The following DTNA variants were observed in gnomAD, a reference collection of about 807,000 sequenced individuals.
DTNA encodes the protein dystrobrevin alpha, also known as dystrophin-related protein 3.
Under a neutral mutation model 100.7 loss-of-function variants are expected in DTNA, and 43 were observed. That is an observed-to-expected ratio of 0.43 (90% CI 0.33 to 0.55). The LOEUF is 0.55. Among genes scored for constraint, DTNA ranks in the 20% least tolerant of loss-of-function variants. The pLI is 0.04. For missense variants in DTNA, 798 were observed against 953.9 expected (o/e 0.84, Z 2.15); for synonymous variants, 349 against 347.9 (o/e 1.00, Z -0.04).
At chr18:34,823,857 G>T (rs2095789245) in intron 9 of DTNA, among the ~76,000 whole-genome samples, 2 of 152,218 alleles carry the variant, frequency 1.3e-5, no homozygotes, top group African/African-American at 2.4e-5. Context: ...AGTGAGTGGG[G>T]TGCAAGCATT....
chr18:34,712,658 CTG>C (rs1555721249), intron 1 of DTNA, among the ~76,000 whole-genome samples: 2 of 152,092 alleles, frequency 1.3e-5, no homozygotes, highest in Non-Finnish European at 2.9e-5. Flanking sequence ...TTGCTTTAAA[CTG>C]TAAATTTTGC....
chr18:34,674,670 T>C (rs1356360315), intron 1 of DTNA, among the ~76,000 whole-genome samples: 1 of 152,232 alleles, frequency 6.6e-6, no homozygotes, highest in Non-Finnish European at 1.5e-5. Flanking sequence ...AGGAACCAGA[T>C]GTGAAAACAT....
chr18:34,509,854 T>C (rs552443082), intron 1 of DTNA, among the ~76,000 whole-genome samples: 2 of 152,192 alleles, frequency 1.3e-5, no homozygotes, highest in East Asian at 3.9e-4. Flanking sequence ...CAGATTGAGC[T>C]TAGATATGAG....
At chr18:34,553,502 T>C (rs2045683155) in intron 1 of DTNA, among the ~76,000 whole-genome samples, 1 of 152,038 alleles carries the variant, frequency 6.6e-6, no homozygotes, top group African/African-American at 2.4e-5. Flanking sequence ...CTAGGGTTTT[T>C]ATGGTTTTAG....
At chr18:34,537,106 C>T (rs940818297) in intron 1 of DTNA, among the ~76,000 whole-genome samples, 10 of 151,912 alleles carry the variant, frequency 6.6e-5, no homozygotes, top group Admixed American at 5.9e-4. Flanking sequence ...ACTAGCTATA[C>T]CTGTCTAAAT....
rs190800708 is a variant in DTNA, at chr18:34,620,305, G to A, written c.-2+126791G>A. On this transcript the variant is annotated intron_variant, in intron 1 of 19. Coordinates refer to the DTNA transcript ENST00000283365. ...AAATGGGGAACCCAAATTGAAGAAC[G>A]TTTTTTAAATGTCAATTTTAAATAA... is the stretch of plus-strand genomic sequence containing the variant. Among the ~76,000 whole-genome samples the A allele has an allele frequency of 5.3e-5, 8 of 152,206 alleles. No individual in the cohort carries two copies. The East Asian group carries it at 5.8e-4, about 11-fold the overall frequency.
chr18:34,545,223 C>T (rs75387113), intron 1 of DTNA, among the ~76,000 whole-genome samples: 17 of 151,970 alleles, frequency 1.1e-4, no homozygotes, highest in Admixed American at 7.9e-4. Context: ...ATGGTAGTGA[C>T]GTGAGATGCC....
At chr18:34,533,424 A>T (rs533288130) in intron 1 of DTNA, among the ~76,000 whole-genome samples, 1 of 151,898 alleles carries the variant, frequency 6.6e-6, no homozygotes, top group African/African-American at 2.4e-5. Context: ...TGCCAAGTTT[A>T]ATGGCCCCAG....
chr18:34,557,246 G>C (rs1283535985), intron 1 of DTNA, among the ~76,000 whole-genome samples: 2 of 141,424 alleles, frequency 1.4e-5, no homozygotes, highest in African/African-American at 5.5e-5. Flanking sequence ...TCTCTGTATT[G>C]GTTATTCTAG....
intron 1 of DTNA, among the ~76,000 whole-genome samples, chr18:34,721,884 C>A (rs2085411707): frequency 6.6e-6 from 1 of 152,086 alleles, no homozygotes; most frequent in Non-Finnish European, 1.5e-5. Context: ...ATACTCTTCC[C>A]CTGGCTAATG....
At chr18:34,828,074 C>A (rs1002922726) in intron 10 of DTNA, among the ~76,000 whole-genome samples, 28 of 152,142 alleles carry the variant, frequency 1.8e-4, no homozygotes, top group African/African-American at 6.5e-4. Flanking sequence ...TTATTTAAAG[C>A]TAAGATACAA....
chr18:34,838,442 A>G (rs1364856736), intron 12 of DTNA, among the ~76,000 whole-genome samples: 2 of 152,188 alleles, frequency 1.3e-5, no homozygotes, highest in African/African-American at 2.4e-5. Context: ...CTTGCAACCA[A>G]TTTCAATGTA....
rs958013740 is a variant in DTNA, at chr18:34,890,293, C to T, written c.*2559C>T. 1.3e-6 allele frequency: 2 copies of T among 1,535,292 alleles called. No individual in the cohort carries two copies. Among genetic ancestry groups the T allele is most frequent in the African/African-American group, 1.4e-5 (1 of 72,986 alleles). Reference sequence around the variant, plus strand: ...CTGACTAACCAGCCACCTTTTCTCTCTCTTAGCTCCACGTCAGCACTGAGA... The same window carrying T: ...CTGACTAACCAGCCACCTTTTCTCTTTCTTAGCTCCACGTCAGCACTGAGA... On this transcript the variant is annotated 3_prime_UTR_variant, in exon 23 of 23. Transcript: ENST00000444659.
intron 1 of DTNA, among the ~76,000 whole-genome samples, chr18:34,564,142 G>T (rs771013976): frequency 5.9e-5 from 9 of 151,634 alleles, no homozygotes; most frequent in Admixed American, 1.3e-4. Context: ...CAACATGTCC[G>T]TACTTCCTTT....
intron 17 of DTNA, among the ~76,000 whole-genome samples, chr18:34,869,983 T>C: frequency 6.6e-6 from 1 of 152,168 alleles, no homozygotes; most frequent in South Asian, 2.1e-4. Flanking sequence ...ATCGTGCCAC[T>C]GCACTCCAGC....
intron 1 of DTNA, among the ~76,000 whole-genome samples, chr18:34,629,283 G>C (rs563057091): frequency 4.6e-5 from 7 of 152,204 alleles, no homozygotes; most frequent in South Asian, 4.2e-4. Flanking sequence ...TGGCTTAAAA[G>C]GTCTTTCAAC....
At chr18:34,506,998 T>C (rs146272814) in intron 1 of DTNA, among the ~76,000 whole-genome samples, 2 of 152,322 alleles carry the variant, frequency 1.3e-5, no homozygotes, top group Non-Finnish European at 2.9e-5. Flanking sequence ...TTACTGCTTA[T>C]CTGTTTCTGA....
At chr18:34,819,303 A>G (rs1046577009) in intron 8 of DTNA, among the ~76,000 whole-genome samples, 2 of 152,230 alleles carry the variant, frequency 1.3e-5, no homozygotes, top group Admixed American at 6.5e-5. Flanking sequence ...ACCAATATTC[A>G]GTGTAAATAT....
At chr18:34,519,784 ACT>A (rs1055393462) in intron 1 of DTNA, among the ~76,000 whole-genome samples, 9 of 152,158 alleles carry the variant, frequency 5.9e-5, no homozygotes. Flanking sequence ...GCAACATAAG[ACT>A]CTTGTAAATC....
Sources: allele counts gnomAD v4.1 joint callset (sites outside exome capture counted in the v4.1 genomes callset), GRCh38; gene constraint gnomAD v4.1.1; transcripts MANE v1.5; gene names NCBI Gene and HGNC (gene_info 2026-07-23, HGNC 2026-07-21).